SEL1L2: variants seen among roughly 807,000 people sequenced by gnomAD.
SEL1L2 encodes the protein SEL1L2 adaptor subunit of SYVN1 ubiquitin ligase, also known as protein sel-1 homolog 2.
Under a neutral mutation model 98.8 loss-of-function variants are expected in SEL1L2, and 89 were observed. The ratio of observed to expected loss-of-function variants is 0.90; its 90% CI spans 0.76 to 1.07. The LOEUF is 1.07. Among genes scored for constraint, SEL1L2 ranks in the 50% least tolerant of loss-of-function variants. The probability of loss-of-function intolerance (pLI) is 0.00; values close to 1 mark genes in which losing one functional copy is unlikely to be tolerated. For missense variants in SEL1L2, 788 were observed against 812.0 expected (o/e 0.97, Z 0.36); for synonymous variants, 262 against 278.5 (o/e 0.94, Z 0.59).
At chr20:13,917,975 G>T (rs2048484137) in intron 4 of SEL1L2, among the ~76,000 whole-genome samples, 1 of 151,336 alleles carries the variant, frequency 6.6e-6, no homozygotes, top group Non-Finnish European at 1.5e-5. Context: ...AATTTTTGTA[G>T]AGACGGGGTT....
Position 13,869,549 on chromosome 20 carries a change from T to C in SEL1L2, c.1209A>G (p.Glu403=). ...GGAACTGTGCGTCGGGCCACCCTTT[T>C]TCCGCAGCTTTCTGAAAGTATTTAA... The part of the protein sequence containing the change: ...EALKYFQKAA[E]KGWPDAQFQL... The change falls in exon 14 of 20, where the codon GAA becomes GAG. Residue 403 remains glutamate, a synonymous_variant. Transcript: ENST00000284951. The C allele has an allele frequency of 1.2e-6, 2 of 1,614,150 alleles. No homozygotes were observed. Among genetic ancestry groups the C allele is most frequent in the Non-Finnish European group, 1.7e-6 (2 of 1,180,014 alleles).
intron 5 of SEL1L2, among the ~76,000 whole-genome samples, chr20:13,903,738 G>T (rs1011645232): frequency 2.6e-5 from 4 of 152,102 alleles, no homozygotes; most frequent in Admixed American, 1.3e-4. Flanking sequence ...TTGAACCCGG[G>T]GGGGAGACGG....
intron 1 of SEL1L2, among the ~76,000 whole-genome samples, chr20:13,987,437 C>T (rs1473932649): frequency 2.6e-5 from 4 of 151,678 alleles, no homozygotes; most frequent in African/African-American, 7.3e-5. Context: ...CCTCTGCCTC[C>T]GGGGTTCAAG....
intron 5 of SEL1L2, among the ~76,000 whole-genome samples, chr20:13,905,649 C>T (rs182538971): frequency 6.0e-4 from 91 of 152,068 alleles, no homozygotes; most frequent in African/African-American, 2.1e-3. Context: ...TTGTCACTTA[C>T]CAACTTTACA....
At chr20:13,987,820 A>G (rs1285095118) in intron 1 of SEL1L2, among the ~76,000 whole-genome samples, 1 of 152,026 alleles carries the variant, frequency 6.6e-6, no homozygotes, top group Non-Finnish European at 1.5e-5. Context: ...GCCCATTTTT[A>G]AATTGGGTTG....
At chr20:13,889,416 C>T (rs951200029) in intron 5 of SEL1L2, among the ~76,000 whole-genome samples, 2 of 152,136 alleles carry the variant, frequency 1.3e-5, no homozygotes, top group Non-Finnish European at 2.9e-5. Flanking sequence ...TCTTACTGTG[C>T]TTTAGTATAA....
intron 9 of SEL1L2, 127 bp from the exon 10 acceptor site, chr20:13,885,530 G>T: frequency 1.4e-6 from 1 of 691,410 alleles, no homozygotes; most frequent in East Asian, 2.6e-5. Context: ...GAAAAAATCA[G>T]GGAAACATTC....
intron 10 of SEL1L2, among the ~76,000 whole-genome samples, chr20:13,880,437 CCTTTT>C (rs1253295676): frequency 6.6e-6 from 1 of 152,164 alleles, no homozygotes; most frequent in Non-Finnish European, 1.5e-5. Context: ...TATTTCATTC[CCTTTT>C]TTTTTCTCAT....
intron 2 of SEL1L2, among the ~76,000 whole-genome samples, chr20:13,943,363 G>A (rs940999876): frequency 6.6e-6 from 1 of 152,110 alleles, no homozygotes; most frequent in Non-Finnish European, 1.5e-5. Context: ...GATACTTACT[G>A]GAGTCTGTAT....
intron 10 of SEL1L2, among the ~76,000 whole-genome samples, chr20:13,879,301 G>A (rs564500684): frequency 2.6e-5 from 4 of 152,162 alleles, no homozygotes; most frequent in African/African-American, 9.6e-5. Flanking sequence ...ATAAGATGGC[G>A]CCATTACTAT....
At chr20:13,903,671 G>A (rs1005531785) in intron 5 of SEL1L2, among the ~76,000 whole-genome samples, 3 of 152,080 alleles carry the variant, frequency 2.0e-5, no homozygotes, top group Admixed American at 2.0e-4. Flanking sequence ...AAATTAGGCA[G>A]GCATGGTGGT....
intron 9 of SEL1L2, among the ~76,000 whole-genome samples, chr20:13,885,687 T>G (rs2046916824): frequency 6.6e-6 from 1 of 152,182 alleles, no homozygotes; most frequent in African/African-American, 2.4e-5. Flanking sequence ...ATGCAAATAC[T>G]GTCCCATTCC....
chr20:13,970,760 G>A (rs1040198440), intron 1 of SEL1L2, among the ~76,000 whole-genome samples: 1 of 152,148 alleles, frequency 6.6e-6, no homozygotes, highest in Admixed American at 6.5e-5. Flanking sequence ...TGAACCTGGC[G>A]GGTGGAGTTT....
rs115554412 is a variant in SEL1L2, at chr20:13,875,648, G to T, written c.1104+390C>A. Among the ~76,000 whole-genome samples the T allele has an allele frequency of 1.7e-3, 259 of 152,266 alleles. 1 individual carries two copies. Among genetic ancestry groups the T allele is most frequent in the African/African-American group, 5.9e-3 (247 of 41,544 alleles). ...ACTGGAGAAAACTGGACATTCCTAG[G>T]ATGTCTTTGTCTTGAACTTCCTGCA... On this transcript the variant is annotated intron_variant, in intron 12 of 19. Transcript: ENST00000284951.
At chr20:13,980,773 T>A (rs2051776775) in intron 1 of SEL1L2, among the ~76,000 whole-genome samples, 1 of 152,202 alleles carries the variant, frequency 6.6e-6, no homozygotes, top group African/African-American at 2.4e-5. Context: ...AAGAAAATGT[T>A]GTATATATAT....
At chr20:13,929,556 C>T (rs2049045104) in intron 3 of SEL1L2, among the ~76,000 whole-genome samples, 1 of 117,392 alleles carries the variant, frequency 8.5e-6, no homozygotes, top group Non-Finnish European at 1.6e-5. Context: ...AGTGCAGTGG[C>T]CCGATCTCAG....
intron 3 of SEL1L2, among the ~76,000 whole-genome samples, chr20:13,920,766 T>C (rs1260004287): frequency 6.6e-6 from 1 of 152,210 alleles, no homozygotes; most frequent in Non-Finnish European, 1.5e-5. Context: ...TCTTGTTTTT[T>C]ATCTTTCTGA....
At chr20:13,904,849 T>A (rs114497101) in intron 5 of SEL1L2, among the ~76,000 whole-genome samples, 1,807 of 152,328 alleles carry the variant, frequency 0.012, 39 homozygotes, top group African/African-American at 0.041. Flanking sequence ...TGACCTTTTT[T>A]AAATAAGAAA....
At chr20:13,966,137 T>TA (rs1308149154) in intron 1 of SEL1L2, among the ~76,000 whole-genome samples, 3 of 152,118 alleles carry the variant, frequency 2.0e-5, no homozygotes, top group Non-Finnish European at 2.9e-5. Flanking sequence ...CTTCAAATTA[T>TA]AAAAAATGCA....
Sources: gnomAD v4.1 joint callset for allele counts (sites outside exome capture counted in the v4.1 genomes callset) on GRCh38, gnomAD v4.1.1 for gene constraint, MANE v1.5 for transcripts, NCBI Gene and HGNC (gene_info 2026-07-23, HGNC 2026-07-21) for gene names.